HMMR: variants seen among roughly 807,000 people sequenced by gnomAD.
HMMR encodes hyaluronan mediated motility receptor, also known as intracellular hyaluronic acid-binding protein.
In HMMR, 108 loss-of-function variants were observed where a neutral mutation model predicts 101.0. The observed-to-expected ratio is 1.07, with a 90% CI of 0.92 to 1.25. The LOEUF (loss-of-function observed/expected upper bound fraction) is 1.25, where lower values mean the gene tolerates loss of function less well. Among genes scored for constraint, HMMR ranks in the 50% most tolerant of loss-of-function variants. The pLI is 0.00. For synonymous variants in HMMR, 296 were observed against 276.4 expected, an observed-to-expected ratio of 1.07 and a Z score of -0.70; for missense variants, 813 against 788.7, an observed-to-expected ratio of 1.03 and a Z score of -0.37.
Position 163,475,683 on chromosome 5 carries a change from A to G in HMMR, c.1268+11A>G. The G allele has an allele frequency of 7.0e-7, 1 of 1,436,058 alleles. No homozygotes were observed. The allele number at this position is 1,436,058 out of a possible 1,614,324, so 89.0% of individuals were successfully genotyped here. A position where few individuals can be genotyped will look rare whatever the true frequency, so the allele number is the denominator to read the frequency against. On this transcript the variant is annotated intron_variant, in intron 11 of 17. Transcript: ENST00000393915. ...AGAAAAGCTGAAAGGGTTTGTATTAATAGGATCTCATGTTTATGTATGACT... is the reference window on the plus strand; with the variant it reads ...AGAAAAGCTGAAAGGGTTTGTATTAGTAGGATCTCATGTTTATGTATGACT...
rs1244546374 is a variant in HMMR at position 163,469,840 on chromosome 5, C to T, written c.462+11C>T. The T allele has an allele frequency of 3.6e-5, 55 of 1,539,222 alleles. No individual in the cohort carries two copies. Among genetic ancestry groups the T allele is most frequent in the Non-Finnish European group, 4.9e-5 (55 of 1,120,782 alleles). ...CTACTAAAATCTAAGGTATCTGAGC[C>T]TCATGATAATATTTACAATTGAATA... On this transcript the variant is annotated intron_variant, in intron 5 of 17. Transcript: ENST00000393915.
chr5:163,474,288 T>C, intron 10 of HMMR, 83 bp downstream of exon 10: 1 of 1,007,652 alleles, frequency 9.9e-7, no homozygotes, highest in South Asian at 1.6e-5. Context: ...AAATTGTGTA[T>C]ATCCTTTGAT....
intron 11 of HMMR, among the ~76,000 whole-genome samples, chr5:163,477,901 C>T (rs1397337580): frequency 6.6e-6 from 1 of 152,058 alleles, no homozygotes; most frequent in Non-Finnish European, 1.5e-5. Flanking sequence ...TATTTGATTG[C>T]TCTTGCTGTG....
intron 7 of HMMR, among the ~76,000 whole-genome samples, chr5:163,472,631 C>G (rs1454885929): frequency 6.6e-6 from 1 of 152,176 alleles, no homozygotes; most frequent in Non-Finnish European, 1.5e-5. Context: ...AGCCTTTCTA[C>G]TAGGTAGGAA....
At chr5:163,471,847 C>T (rs1220471756) in intron 7 of HMMR, among the ~76,000 whole-genome samples, 1 of 152,078 alleles carries the variant, frequency 6.6e-6, no homozygotes, top group African/African-American at 2.4e-5. Flanking sequence ...AGTAAGTATT[C>T]AGTTTGGTGA....
In HMMR at chr5:163,473,266, GTAGCTT is replaced by G; in HGVS notation, c.725+16_725+21del. The G allele has an allele frequency of 8.5e-6, 13 of 1,521,292 alleles. No individual in the cohort carries two copies. The highest frequency in any genetic ancestry group is 1.2e-5 in the Non-Finnish European group (13 of 1,104,068). The allele number at this position is 1,521,292 out of a possible 1,614,324, so 94.2% of individuals were successfully genotyped here. On this transcript the variant is annotated intron_variant, in intron 8 of 17. Coordinates refer to ENST00000393915, the MANE Select transcript of HMMR (RefSeq NM_001142556.2). ...TCGAAGAAATTAGGTAATATGAGCA[GTAGCTT>G]TAAATTGAACCTTATTTTTTTAATA... is the stretch of plus-strand genomic sequence containing the variant.
intron 11 of HMMR, among the ~76,000 whole-genome samples, chr5:163,477,417 T>C (rs911738797): frequency 1.2e-4 from 19 of 152,210 alleles, no homozygotes; most frequent in African/African-American, 4.3e-4. Flanking sequence ...TCTCAGTGGA[T>C]ACTTTTGTTA....
chr5:163,462,997 A>G (rs576624905), intron 1 of HMMR, among the ~76,000 whole-genome samples: 10 of 152,248 alleles, frequency 6.6e-5, no homozygotes, highest in East Asian at 1.9e-4. Flanking sequence ...GTATTAATCT[A>G]TTTGTTCCCA....
At chr5:163,481,570 T>C (rs1482548674) in intron 12 of HMMR, among the ~76,000 whole-genome samples, 1 of 152,184 alleles carries the variant, frequency 6.6e-6, no homozygotes, top group African/African-American at 2.4e-5. Context: ...CTCTTGATCC[T>C]TCCATTGCTT....
intron 16 of HMMR, among the ~76,000 whole-genome samples, chr5:163,487,211 AT>A (rs1414260341): frequency 1.1e-4 from 16 of 152,106 alleles, no homozygotes; most frequent in African/African-American, 2.4e-4. Flanking sequence ...TTATCATGTA[AT>A]TTTTTTATTC....
chr5:163,462,147 A>C (rs142920742), intron 1 of HMMR, among the ~76,000 whole-genome samples: 1 of 152,312 alleles, frequency 6.6e-6, no homozygotes, highest in East Asian at 1.9e-4. Flanking sequence ...ACCTACTCTT[A>C]AGTTTTGTCA....
At chr5:163,481,972 A>G (rs1472247222) in intron 12 of HMMR, among the ~76,000 whole-genome samples, 2 of 151,972 alleles carry the variant, frequency 1.3e-5, no homozygotes, top group African/African-American at 2.4e-5. Context: ...CTGGAGTGCA[A>G]TGGCACTATC....
At chr5:163,465,899 T>A (rs1158111688) in intron 3 of HMMR, among the ~76,000 whole-genome samples, 1 of 149,214 alleles carries the variant, frequency 6.7e-6, no homozygotes, top group Non-Finnish European at 1.5e-5. Context: ...AGGCAGAGGT[T>A]GCAGTCAGCC....
intron 1 of HMMR, among the ~76,000 whole-genome samples, chr5:163,463,273 T>C (rs1008120444): frequency 1.3e-5 from 2 of 152,222 alleles, no homozygotes; most frequent in African/African-American, 4.8e-5. Context: ...TTAAATAAAA[T>C]AACATCTGTG....
rs1413673044 is a variant in HMMR, at chr5:163,491,241, G to T, written c.*77G>T. On this transcript the variant is annotated 3_prime_UTR_variant, in exon 18 of 18. Coordinates refer to ENST00000393915, the MANE Select transcript of HMMR (RefSeq NM_001142556.2). ...GTTGCTGTTATTATATTTGACATGG[G>T]TATTTTATAATGTTGTATTTAATTT... The T allele has an allele frequency of 7.6e-6, 6 of 787,300 alleles. No homozygotes were observed. The highest frequency in any genetic ancestry group is 1.0e-5 in the Non-Finnish European group (5 of 484,914). 48.8% of individuals were successfully genotyped at this position (787,300 alleles called of 1,614,324 possible).
chr5:163,473,180 G>A lies in HMMR; in HGVS notation c.652G>A (p.Val218Ile). The change falls in exon 8 of 18, where the codon GTT becomes ATT. Residue 218 changes from valine to isoleucine, a missense_variant and splice_region_variant. Coordinates refer to ENST00000393915, the MANE Select transcript of HMMR (RefSeq NM_001142556.2). The stretch of plus-strand genomic sequence containing the variant: ...TAACATATGCAATTTTTGTTTTAGT[G>A]TTTCAATAGAGAAAGAAAAGATTGA... ...GKIAQLEGKL[V>I]SIEKEKIDEK... The A allele has an allele frequency of 3.3e-6, 5 of 1,496,376 alleles. No individual in the cohort carries two copies. The highest frequency in any genetic ancestry group is 1.4e-5 in the African/African-American group (1 of 71,992). 92.7% of individuals were successfully genotyped at this position (1,496,376 alleles called of 1,614,324 possible).
At chr5:163,477,550 C>G (rs1199028454) in intron 11 of HMMR, among the ~76,000 whole-genome samples, 1 of 152,098 alleles carries the variant, frequency 6.6e-6, no homozygotes, top group Non-Finnish European at 1.5e-5. Flanking sequence ...TACAGCCAAT[C>G]TCAGGGAACA....
chr5:163,476,470 G>A (rs1466920186), intron 11 of HMMR, among the ~76,000 whole-genome samples: 1 of 152,128 alleles, frequency 6.6e-6, no homozygotes, highest in Non-Finnish European at 1.5e-5. Flanking sequence ...TTCAGAAATA[G>A]CAATCAAAAT....
At chr5:163,461,467 C>G (rs1044679533) in intron 1 of HMMR, among the ~76,000 whole-genome samples, 10 of 152,106 alleles carry the variant, frequency 6.6e-5, no homozygotes, top group Non-Finnish European at 7.4e-5. Context: ...AACCAGGAAG[C>G]CTTAGCTGTG....
Sources: allele counts gnomAD v4.1 joint callset (sites outside exome capture counted in the v4.1 genomes callset), GRCh38; gene constraint gnomAD v4.1.1; transcripts MANE v1.5; gene names NCBI Gene and HGNC (gene_info 2026-07-23, HGNC 2026-07-21).